Variants in PDE11A observed in about 807,000 individuals in gnomAD.
PDE11A encodes the protein dual 3',5'-cyclic-AMP and -GMP phosphodiesterase 11A.
In PDE11A, 100 loss-of-function variants were observed where a neutral mutation model predicts 100.5. That is an observed-to-expected ratio of 1.00 (90% CI 0.85 to 1.18). PDE11A has a LOEUF of 1.18. Among genes scored for constraint, PDE11A ranks in the 50% most tolerant of loss-of-function variants. The pLI is 0.00. For synonymous variants in PDE11A, 381 were observed against 420.8 expected (o/e 0.91, Z 1.16); for missense variants, 1,141 against 1,152.6 (o/e 0.99, Z 0.15).
intron 1 of PDE11A, among the ~76,000 whole-genome samples, chr2:178,040,146 C>T (rs1340504267): frequency 6.9e-6 from 1 of 145,016 alleles, no homozygotes; most frequent in African/African-American, 2.5e-5. Context: ...CTCACTGCAA[C>T]CTCCACCTTC....
In PDE11A at chr2:177,792,067, A is replaced by T. The variant is rs183514152; in HGVS notation, c.1738-22694T>A. Among the ~76,000 whole-genome samples the T allele has an allele frequency of 2.2e-3, 330 of 152,306 alleles. 1 individual carries two copies. Among genetic ancestry groups the T allele is most frequent in the African/African-American group, 7.6e-3 (315 of 41,570 alleles). ...TAAATATGGCTCTATACATATGCAT[A>T]TTGGACTATAATTTATAACTATTTC... On this transcript the variant is annotated intron_variant, in intron 9 of 19. Coordinates refer to ENST00000286063, the MANE Select transcript of PDE11A (RefSeq NM_016953.4).
At chr2:177,854,383 C>T (rs536069489) in intron 5 of PDE11A, among the ~76,000 whole-genome samples, 11 of 151,930 alleles carry the variant, frequency 7.2e-5, no homozygotes, top group Non-Finnish European at 1.5e-4. Flanking sequence ...AAATACATTT[C>T]CAAATTCATT....
intron 2 of PDE11A, among the ~76,000 whole-genome samples, chr2:178,089,892 C>T (rs1466275651): frequency 2.0e-5 from 3 of 152,176 alleles, no homozygotes; most frequent in African/African-American, 7.2e-5. Flanking sequence ...AACCTAGGCC[C>T]TTTCCCCTCG....
At chr2:178,013,662 T>C (rs1299971809) in intron 2 of PDE11A, among the ~76,000 whole-genome samples, 2 of 152,342 alleles carry the variant, frequency 1.3e-5, no homozygotes, top group African/African-American at 4.8e-5. Context: ...TTATTCAATA[T>C]AAAGGTAGAA....
At position 177,756,223 on chromosome 2, in the gene PDE11A, T is replaced by C. The variant is rs1421720616; in HGVS notation, c.1788+13100A>G. 2.0e-5 allele frequency among the ~76,000 whole-genome samples: 3 copies of C among 152,170 alleles called. No homozygotes were observed. In the East Asian group the frequency reaches 5.8e-4, roughly 29 times the overall value. Reference sequence around the variant, plus strand: ...ACTAGAATAGTGGGCCCCTGGTCTTTCAGGGGTTATCAAAATAACCAGCTT... The same window carrying C: ...ACTAGAATAGTGGGCCCCTGGTCTTCCAGGGGTTATCAAAATAACCAGCTT... On this transcript the variant is annotated intron_variant, in intron 10 of 19. Coordinates refer to ENST00000286063, the MANE Select transcript of PDE11A (RefSeq NM_016953.4).
In PDE11A at chr2:177,898,767, C is replaced by A. The variant is rs185374731; in HGVS notation, c.1162-569G>T. On this transcript the variant is annotated intron_variant, in intron 3 of 19. Coordinates refer to ENST00000286063, the MANE Select transcript of PDE11A (RefSeq NM_016953.4). ...TTTTAAATTGGAAAGAAAATGAAAA[C>A]CAGCTATGAAGAAAACAAGCTGTAT... is the stretch of plus-strand genomic sequence containing the variant. Among the ~76,000 whole-genome samples, 448 of 152,098 alleles carry A rather than the reference C, an allele frequency of 2.9e-3. 2 individuals carry two copies. Among genetic ancestry groups the A allele is most frequent in the Non-Finnish European group, 4.9e-3 (334 of 68,002 alleles).
At chr2:178,005,274 C>G (rs918876572) in intron 2 of PDE11A, among the ~76,000 whole-genome samples, 3 of 152,032 alleles carry the variant, frequency 2.0e-5, no homozygotes, top group Non-Finnish European at 4.4e-5. Context: ...ACTGCTAGCC[C>G]TTTTGATATT....
At position 177,754,124 on chromosome 2, in the gene PDE11A, G is replaced by A. The variant is rs144961251; in HGVS notation, c.1788+15199C>T. 4.1e-3 allele frequency among the ~76,000 whole-genome samples: 621 copies of A among 152,276 alleles called. 6 individuals are homozygous for A. The highest frequency in any genetic ancestry group is 0.014 in the African/African-American group (588 of 41,556). Reference sequence around the variant, plus strand: ...GCAGCTTCAAAGCCTGCCATTGGCTGGCTAGGCATACTGTGCAATGCTGAC... The same window carrying A: ...GCAGCTTCAAAGCCTGCCATTGGCTAGCTAGGCATACTGTGCAATGCTGAC... On this transcript the variant is annotated intron_variant, in intron 10 of 19. Transcript: ENST00000286063.
intron 10 of PDE11A, among the ~76,000 whole-genome samples, chr2:177,744,093 C>T (rs1403917795): frequency 1.3e-5 from 2 of 152,016 alleles, no homozygotes; most frequent in African/African-American, 4.8e-5. Flanking sequence ...AAAGTCAAGA[C>T]CAAATGGGGA....
intron 2 of PDE11A, chr2:178,012,029 A>G (rs1042527614): frequency 6.6e-6 from 1 of 152,120 alleles, no homozygotes; most frequent in African/African-American, 2.4e-5. Context: ...TTTGGTTTGC[A>G]ATATATAGGA....
intron 2 of PDE11A, among the ~76,000 whole-genome samples, chr2:177,961,302 GCTCACCCTTCT>G (rs1039682370): frequency 1.3e-5 from 2 of 151,864 alleles, no homozygotes; most frequent in Admixed American, 6.6e-5. Context: ...AAGGCATGAA[GCTCACCCTTCT>G]CTCTGCCCAG....
In PDE11A at chr2:177,624,428, A is replaced by C. The variant is rs561863805; in HGVS notation, c.*4979T>G. ...AGTCAGCAGGAAAAATAGATTTTAA[A>C]ATAATTTTACTGCAGAATAAATTGG... is the stretch of plus-strand genomic sequence containing the variant. On this transcript the variant is annotated 3_prime_UTR_variant, in exon 20 of 20. Transcript: ENST00000286063. 1 of 152,316 alleles carries C rather than the reference A, an allele frequency of 6.6e-6. No homozygotes were observed. The highest frequency in any genetic ancestry group is 2.1e-4 in the South Asian group (1 of 4,834). The allele number at this position is 152,316 out of a possible 1,614,324, so 9.4% of individuals were successfully genotyped here.
chr2:177,907,350 C>A (rs570325046), intron 2 of PDE11A, among the ~76,000 whole-genome samples: 1 of 152,176 alleles, frequency 6.6e-6, no homozygotes, highest in South Asian at 2.1e-4. Flanking sequence ...CTAGAGAAAA[C>A]AGAATTCAGT....
At chr2:178,015,534 GA>G (rs1177563825) in intron 1 of PDE11A, among the ~76,000 whole-genome samples, 3 of 152,102 alleles carry the variant, frequency 2.0e-5, no homozygotes, top group African/African-American at 7.2e-5. Flanking sequence ...TCCTTTACTA[GA>G]AATTCCGAAA....
At chr2:177,660,239 A>G (rs2080465588) in intron 19 of PDE11A, among the ~76,000 whole-genome samples, 1 of 152,000 alleles carries the variant, frequency 6.6e-6, no homozygotes, top group African/African-American at 2.4e-5. Flanking sequence ...AGAGAACTCT[A>G]TGCTCACATA....
intron 2 of PDE11A, among the ~76,000 whole-genome samples, chr2:177,964,243 T>C (rs1234282762): frequency 6.6e-6 from 1 of 152,148 alleles, no homozygotes; most frequent in Non-Finnish European, 1.5e-5. Context: ...TCAAGTTTTA[T>C]TTTTAAAAGA....
At chr2:177,667,147 C>T (rs1026720716) in intron 18 of PDE11A, among the ~76,000 whole-genome samples, 26 of 152,090 alleles carry the variant, frequency 1.7e-4, no homozygotes, top group Admixed American at 1.6e-3. Context: ...CTCCTGACCT[C>T]AAGTGATCAG....
chr2:177,696,639 T>C (rs2081115990), intron 15 of PDE11A, among the ~76,000 whole-genome samples: 1 of 133,716 alleles, frequency 7.5e-6, no homozygotes, highest in Admixed American at 8.4e-5. Flanking sequence ...GCTCTGTTTA[T>C]TTAAAAAGGT....
intron 15 of PDE11A, chr2:177,683,479 G>C (rs2105509947): frequency 6.6e-6 from 1 of 152,270 alleles, no homozygotes; most frequent in East Asian, 1.9e-4. Context: ...CAAGTAAAAC[G>C]AGCTCCCCGG....
Sources: gnomAD v4.1 joint callset for allele counts (sites outside exome capture counted in the v4.1 genomes callset) on GRCh38, gnomAD v4.1.1 for gene constraint, MANE v1.5 for transcripts, NCBI Gene and HGNC (gene_info 2026-07-23, HGNC 2026-07-21) for gene names.